The following TENM3 variants were observed in gnomAD, a reference collection of about 807,000 sequenced individuals.
The protein encoded by TENM3 is teneurin-3.
TENM3 carries 63 observed loss-of-function variants against 255.1 expected under a neutral mutation model. The ratio of observed to expected loss-of-function variants is 0.25; its 90% confidence interval spans 0.20 to 0.30. TENM3 has a LOEUF of 0.30. TENM3 is among the 10% of genes least tolerant of loss of function. TENM3 has a pLI of 1.00. For missense variants in TENM3, 2,929 were observed against 3,461.1 expected (o/e 0.85, Z 3.86); for synonymous variants, 1,306 against 1,322.3 (o/e 0.99, Z 0.27).
At position 182,548,288 on chromosome 4, in the gene TENM3, T is replaced by C. The variant is rs57113122; in HGVS notation, c.512-52636T>C. Among the ~76,000 whole-genome samples the C allele has an allele frequency of 6.9e-3, 1,053 of 152,210 alleles. 20 individuals carry two copies. The highest frequency in any genetic ancestry group is 0.024 in the African/African-American group (1,007 of 41,504). ...AGAAAAAGACCGCCCGTGACTCATG[T>C]TTAGAATTTTTGCAATCCAAACCCA... On this transcript the variant is annotated intron_variant, in intron 3 of 27. Transcript: ENST00000511685.
At chr4:182,284,678 G>A (rs897920671) in intron 1 of TENM3, among the ~76,000 whole-genome samples, 5 of 152,086 alleles carry the variant, frequency 3.3e-5, no homozygotes, top group South Asian at 2.1e-4. Context: ...CTGGTGTCGC[G>A]TTGGAAAAGC....
At chr4:182,279,648 T>C (rs1320697788) in intron 1 of TENM3, among the ~76,000 whole-genome samples, 2 of 152,326 alleles carry the variant, frequency 1.3e-5, no homozygotes, top group African/African-American at 4.8e-5. Context: ...ATTTATATAG[T>C]CTGTGTTTTC....
At chr4:182,022,888 A>T in the TENM3 span, among the ~76,000 whole-genome samples, 2 of 152,222 alleles carry the variant, frequency 1.3e-5, no homozygotes, top group African/African-American at 4.8e-5. Flanking sequence ...CAGTTTAAAA[A>T]TTTTAATAGC....
chr4:182,739,051 T>C (rs1761402254), intron 18 of TENM3, among the ~76,000 whole-genome samples: 1 of 151,244 alleles, frequency 6.6e-6, no homozygotes, highest in Non-Finnish European at 1.5e-5. Context: ...TTTTTTTTTT[T>C]CAGTTCTTCT....
At chr4:181,992,243 T>C in the TENM3 span, among the ~76,000 whole-genome samples, 2 of 152,192 alleles carry the variant, frequency 1.3e-5, no homozygotes, top group Admixed American at 1.3e-4. Context: ...TTATCTCCTG[T>C]ATGGTGTCTT....
the TENM3 span, among the ~76,000 whole-genome samples, chr4:181,525,891 C>T: frequency 6.6e-6 from 1 of 152,116 alleles, no homozygotes; most frequent in East Asian, 1.9e-4. Flanking sequence ...TGTGGTGCTC[C>T]AGCCTGCTAA....
intron 1 of TENM3, among the ~76,000 whole-genome samples, chr4:182,165,879 G>A (rs978597248): frequency 2.6e-5 from 4 of 152,258 alleles, no homozygotes; most frequent in East Asian, 3.9e-4. Flanking sequence ...AGGTTCAAGC[G>A]ATTCTCCTGC....
rs374626755 is a variant in TENM3 at position 182,789,918 on chromosome 4, A to G, written c.5601+529A>G. 2.2e-4 allele frequency among the ~76,000 whole-genome samples: 33 copies of G among 152,292 alleles called. No individual in the cohort carries two copies. In the South Asian group the frequency reaches 5.6e-3, roughly 26 times the overall value. ...CTGTGGCATCTTTCCTTTCTTCTAC[A>G]TATAAAAGGTAAGCCTCCTAGATTA... On this transcript the variant is annotated intron_variant, in intron 25 of 27. Coordinates refer to ENST00000511685, the MANE Select transcript of TENM3 (RefSeq NM_001080477.4). This position sits in a 1 kb window ranked among gnomAD's most constrained non-coding sequence, Gnocchi z 4.4.
chr4:182,378,278 G>A (rs1228902569), intron 3 of TENM3, among the ~76,000 whole-genome samples: 2 of 152,226 alleles, frequency 1.3e-5, no homozygotes, highest in Non-Finnish European at 2.9e-5. Context: ...CTGGGGATAT[G>A]GTGATGAACC....
chr4:181,823,391 G>A, the TENM3 span, among the ~76,000 whole-genome samples: 1 of 152,036 alleles, frequency 6.6e-6, no homozygotes, highest in African/African-American at 2.4e-5. Context: ...TGTCATGAAA[G>A]AGCTACTGTG....
the TENM3 span, among the ~76,000 whole-genome samples, chr4:181,638,631 G>T: frequency 1.3e-5 from 2 of 152,070 alleles, no homozygotes; most frequent in Admixed American, 6.6e-5. Flanking sequence ...TGCTCTTTTT[G>T]CTACTGTACT....
At chr4:181,770,400 C>T in the TENM3 span, among the ~76,000 whole-genome samples, 58 of 152,142 alleles carry the variant, frequency 3.8e-4, no homozygotes, top group Non-Finnish European at 6.3e-4. Context: ...GTTGGCCGGG[C>T]GTGGTGGCTC....
rs764681919 is a variant in TENM3 at position 182,753,451 on chromosome 4, A to T, written c.3864A>T (p.Gly1288=). 1 of 1,612,116 alleles carries T rather than the reference A, an allele frequency of 6.2e-7. No individual in the cohort carries two copies. Among genetic ancestry groups the T allele is most frequent in the South Asian group, 1.1e-5 (1 of 90,562 alleles). ...AVEATLMSPK[G]MAVDKNGLIY... is the part of the protein sequence containing the mutation. ...AATACTTGCTTCTCTCAAATACAGG[A>T]ATGGCAGTTGATAAGAATGGATTAA... Residue 1288 remains glycine, a splice_region_variant and synonymous_variant, in exon 21 of 28, where the codon GGA becomes GGT. Transcript: ENST00000511685.
At chr4:182,342,676 C>G (rs976548221) in intron 2 of TENM3, among the ~76,000 whole-genome samples, 4 of 152,080 alleles carry the variant, frequency 2.6e-5, no homozygotes, top group African/African-American at 7.2e-5. Flanking sequence ...AACAAACAAG[C>G]AAGAGACCAA....
chr4:182,144,989 G>T (rs1013347479), intron 1 of TENM3: 1 of 151,920 alleles, frequency 6.6e-6, no homozygotes, highest in Non-Finnish European at 1.5e-5. Flanking sequence ...CTTCGCCGGC[G>T]CCTCTCGCCC....
chr4:182,718,335 A>G (rs1172945800), intron 13 of TENM3, among the ~76,000 whole-genome samples: 1 of 152,174 alleles, frequency 6.6e-6, no homozygotes, highest in East Asian at 1.9e-4. Flanking sequence ...CAAAAAGGCC[A>G]CCACCAGCTC....
At chr4:182,693,656 A>G (rs962471663) in intron 12 of TENM3, among the ~76,000 whole-genome samples, 2 of 152,206 alleles carry the variant, frequency 1.3e-5, no homozygotes, top group Non-Finnish European at 2.9e-5. Flanking sequence ...TAAAATGGCT[A>G]TAATAGTACA....
chr4:181,888,472 G>A, the TENM3 span, among the ~76,000 whole-genome samples: 1 of 123,960 alleles, frequency 8.1e-6, no homozygotes, highest in African/African-American at 3.0e-5. Flanking sequence ...GTTCTCCAGA[G>A]AAACAAAACC....
At chr4:182,783,942 T>C (rs1373569668) in intron 24 of TENM3, among the ~76,000 whole-genome samples, 1 of 152,200 alleles carries the variant, frequency 6.6e-6, no homozygotes, top group Non-Finnish European at 1.5e-5. Flanking sequence ...TTGGTTATTC[T>C]AGTTATACAT....
Sources: allele counts gnomAD v4.1 joint callset (sites outside exome capture counted in the v4.1 genomes callset), GRCh38; gene constraint gnomAD v4.1.1; non-coding constraint Gnocchi (gnomAD v3.1); transcripts MANE v1.5; gene names NCBI Gene and HGNC (gene_info 2026-07-23, HGNC 2026-07-21).